Variants in KIAA0319 observed in about 807,000 individuals in gnomAD.
KIAA0319 encodes dyslexia-associated protein KIAA0319.
In KIAA0319, 83 loss-of-function variants were observed where a neutral mutation model predicts 108.4. That is an observed-to-expected ratio of 0.77 (90% CI 0.64 to 0.92). KIAA0319 has a LOEUF of 0.92. KIAA0319 is among the 40% of genes least tolerant of loss of function. The pLI is 0.00. For missense variants in KIAA0319, 1,195 were observed against 1,322.4 expected, an observed-to-expected ratio of 0.90 and a Z score of 1.49; for synonymous variants, 484 against 510.4, an observed-to-expected ratio of 0.95 and a Z score of 0.70.
At chr6:24,611,126 G>T (rs932021099) in intron 1 of KIAA0319, among the ~76,000 whole-genome samples, 10 of 151,734 alleles carry the variant, frequency 6.6e-5, no homozygotes, top group Middle Eastern at 3.4e-3. Flanking sequence ...TTCAGGGTTG[G>T]GAGATTGGAA....
rs558993271 is a variant in KIAA0319 at position 24,561,257 on chromosome 6, T to G, written c.2591+2102A>C. ...AGTGTCAAGGTAAAACTGGTCTTAC[T>G]GAATGAGTTGGGAAATGTTCCCTCC... On this transcript the variant is annotated intron_variant, in intron 16 of 20. Transcript: ENST00000378214. Among the ~76,000 whole-genome samples, 7 of 152,380 alleles carry G rather than the reference T, an allele frequency of 4.6e-5. No individual in the cohort carries two copies. In the South Asian group the frequency reaches 1.4e-3, roughly 32 times the overall value.
Position 24,546,776 on chromosome 6 carries a change from T to C in KIAA0319, c.*389A>G. The stretch of plus-strand genomic sequence containing the variant: ...ACAAGAGAAACCGTGTTTAGAATGC[T>C]GTTCCTTAGAGGCAATCACAGCAGC... On this transcript the variant is annotated 3_prime_UTR_variant, in exon 21 of 21. Coordinates refer to ENST00000378214, the MANE Select transcript of KIAA0319 (RefSeq NM_014809.4). 1 of 175,004 alleles carries C rather than the reference T, an allele frequency of 5.7e-6. No individual in the cohort carries two copies. The highest frequency in any genetic ancestry group is 1.2e-5 in the Non-Finnish European group (1 of 80,918). 10.8% of individuals were successfully genotyped at this position (175,004 alleles called of 1,614,324 possible).
intron 20 of KIAA0319, 82 bp from the exon 21 acceptor site, chr6:24,547,425 G>A (rs1359889893): frequency 1.7e-6 from 2 of 1,191,278 alleles, no homozygotes; most frequent in Non-Finnish European, 2.4e-6. Flanking sequence ...CAGGTCCTGT[G>A]ATGGGCACGG....
At chr6:24,642,698 A>G (rs1004434528) in intron 1 of KIAA0319, among the ~76,000 whole-genome samples, 1 of 150,556 alleles carries the variant, frequency 6.6e-6, no homozygotes, top group African/African-American at 2.5e-5. Flanking sequence ...AATTAAATAG[A>G]TGCTTACTAT....
Position 24,588,644 on chromosome 6 carries a change from CAG to C in KIAA0319, c.941_942del (p.Ser314Ter), listed in dbSNP as rs1156752116. On this transcript the variant is annotated frameshift_variant, in exon 4 of 21. Coordinates refer to ENST00000378214, the MANE Select transcript of KIAA0319 (RefSeq NM_014809.4). LOFTEE classifies it high-confidence loss of function. ...IPTPPTSAAP[S>X]ESTPSELPIS... ...ATGGGTAGCTCAGATGGGGTGGACT[CAG>C]AGGGGGCTGCGCTAGTGGGAGGTGT... 6.2e-7 allele frequency: 1 copy of C among 1,613,990 alleles called. No homozygotes were observed. The highest frequency in any genetic ancestry group is 8.5e-7 in the Non-Finnish European group (1 of 1,179,980).
chr6:24,615,628 GT>G (rs1286805321), intron 1 of KIAA0319, among the ~76,000 whole-genome samples: 1 of 152,142 alleles, frequency 6.6e-6, no homozygotes, highest in East Asian at 1.9e-4. Context: ...GGCAAACAGT[GT>G]TACAAAACAG....
At chr6:24,617,042 A>C (rs1300440716) in intron 1 of KIAA0319, among the ~76,000 whole-genome samples, 3 of 152,176 alleles carry the variant, frequency 2.0e-5, no homozygotes, top group African/African-American at 7.2e-5. Flanking sequence ...AAAGATATTT[A>C]AGCAAATTTA....
At chr6:24,627,604 C>T (rs1333127534) in intron 1 of KIAA0319, among the ~76,000 whole-genome samples, 5 of 152,118 alleles carry the variant, frequency 3.3e-5, no homozygotes, top group Non-Finnish European at 7.3e-5. Context: ...CAGCAAGGGC[C>T]TACCTAGGTC....
intron 2 of KIAA0319, chr6:24,598,929 G>T: frequency 3.9e-6 from 2 of 512,146 alleles, no homozygotes; most frequent in Non-Finnish European, 3.6e-6. Context: ...GAATGAATTT[G>T]TCCTCATCAA....
intron 16 of KIAA0319, among the ~76,000 whole-genome samples, chr6:24,562,850 A>T (rs1763291435): frequency 6.6e-6 from 1 of 152,186 alleles, no homozygotes. Context: ...AAAAATAAAA[A>T]TAAAATAAAA....
intron 1 of KIAA0319, among the ~76,000 whole-genome samples, chr6:24,608,827 A>C (rs888165691): frequency 1.4e-5 from 2 of 141,724 alleles, no homozygotes; most frequent in Non-Finnish European, 3.0e-5. Flanking sequence ...GCTACTTGGG[A>C]GGCTGAGGCA....
chr6:24,579,591 A>G (rs1224768518), intron 8 of KIAA0319, among the ~76,000 whole-genome samples: 5 of 150,146 alleles, frequency 3.3e-5, no homozygotes, highest in African/African-American at 9.8e-5. Flanking sequence ...ACCACACCAG[A>G]AGGAGATTCT....
chr6:24,596,160 C>T lies in KIAA0319; in HGVS notation c.514G>A (p.Gly172Ser). The T allele has an allele frequency of 6.2e-7, 1 of 1,614,130 alleles. No individual in the cohort carries two copies. The highest frequency in any genetic ancestry group is 8.5e-7 in the Non-Finnish European group (1 of 1,180,020). ...GCACTCCCTCTGGGCTCCTGCTTGCCACTGGGTTGCAAGAGGTCCTTCTCC... is the reference window on the plus strand; with the variant it reads ...GCACTCCCTCTGGGCTCCTGCTTGCTACTGGGTTGCAAGAGGTCCTTCTCC... ...ELEKDLLQPS[G>S]KQEPRGSAEY... Residue 172 changes from glycine to serine, a missense_variant, in exon 3 of 21, where the codon GGC (glycine) becomes AGC (serine). Physicochemically the swap from Gly to Ser is moderately conservative, Grantham distance 56. Transcript: ENST00000378214.
chr6:24,617,653 G>A (rs1773345206), intron 1 of KIAA0319, among the ~76,000 whole-genome samples: 1 of 152,110 alleles, frequency 6.6e-6, no homozygotes, highest in African/African-American at 2.4e-5. Context: ...AAGGTGGGGA[G>A]TAGGAGCAAA....
rs777545673 is a variant in KIAA0319 at position 24,595,943 on chromosome 6, G to A, written c.731C>T (p.Ser244Leu). 1.2e-5 allele frequency: 19 copies of A among 1,614,138 alleles called. No individual in the cohort carries two copies. In the South Asian group the frequency reaches 2.0e-4, roughly 17 times the overall value. ...CTTTTCTTTCTCCAACACCTCTCCT[G>A]AAGATGGAGTAGTCGGCAAGGGAAG... ...VLLPLPTTPS[S>L]GEVLEKEKAS... Residue 244 changes from serine to leucine, a missense_variant, in exon 3 of 21, where the codon TCA (serine) becomes TTA (leucine). By Grantham distance (145) the Ser-to-Leu change is moderately radical. Coordinates refer to ENST00000378214, the MANE Select transcript of KIAA0319 (RefSeq NM_014809.4).
chr6:24,564,514 T>G (rs1256765681), intron 14 of KIAA0319, among the ~76,000 whole-genome samples, 174 bp from the exon 15 acceptor site: 1 of 152,126 alleles, frequency 6.6e-6, no homozygotes, highest in Non-Finnish European at 1.5e-5. Flanking sequence ...ATCCTCAGCA[T>G]CTCTTCCCCA....
intron 14 of KIAA0319, among the ~76,000 whole-genome samples, chr6:24,566,348 G>C (rs1344425129): frequency 6.6e-6 from 1 of 152,200 alleles, no homozygotes; most frequent in Non-Finnish European, 1.5e-5. Context: ...CCTGCTATGG[G>C]AGGACATGGT....
At chr6:24,625,188 C>G (rs917742518) in intron 1 of KIAA0319, among the ~76,000 whole-genome samples, 11 of 152,144 alleles carry the variant, frequency 7.2e-5, no homozygotes. Context: ...AGGAAAATTG[C>G]TTTTCAGATA....
intron 1 of KIAA0319, among the ~76,000 whole-genome samples, chr6:24,624,248 C>T (rs1203319940): frequency 5.6e-5 from 8 of 142,696 alleles, no homozygotes; most frequent in African/African-American, 1.0e-4. Context: ...CATCATATTG[C>T]CCAGGCTGGT....
Sources: gnomAD v4.1 joint callset for allele counts (sites outside exome capture counted in the v4.1 genomes callset) on GRCh38, gnomAD v4.1.1 for gene constraint, MANE v1.5 for transcripts, NCBI Gene and HGNC (gene_info 2026-07-23, HGNC 2026-07-21) for gene names.